The following GKAP1 variants were observed in gnomAD, a reference collection of about 807,000 sequenced individuals.
GKAP1 encodes G kinase-anchoring protein 1.
GKAP1 carries 31 observed loss-of-function variants against 56.7 expected under a neutral mutation model. The observed-to-expected ratio is 0.55, with a 90% CI of 0.41 to 0.74. The LOEUF is 0.74. Ranked by LOEUF, GKAP1 falls within the 30% of genes least tolerant of loss-of-function variation. The pLI is 0.00. For synonymous variants in GKAP1, 151 were observed against 138.6 expected (o/e 1.09, Z -0.63); for missense variants, 364 against 402.3 (o/e 0.90, Z 0.82).
chr9:83,747,698 G>A (rs772048584), intron 10 of GKAP1, among the ~76,000 whole-genome samples: 2 of 150,930 alleles, frequency 1.3e-5, no homozygotes, highest in African/African-American at 2.4e-5. Flanking sequence ...GTACAGTGGT[G>A]CAATCTCGGC....
At chr9:83,756,922 A>G (rs1222325719) in intron 8 of GKAP1, among the ~76,000 whole-genome samples, 4 of 152,228 alleles carry the variant, frequency 2.6e-5, no homozygotes, top group African/African-American at 9.6e-5. Flanking sequence ...CTCATTTTCA[A>G]TGAAGTCCTA....
At position 83,799,397 on chromosome 9, in the gene GKAP1, T is replaced by TA. The variant is rs567704992; in HGVS notation, c.217-70dup. 3,134 of 1,134,770 alleles carry TA rather than the reference T, an allele frequency of 2.8e-3. 27 individuals are homozygous for TA. The African/African-American group carries it at 0.029, about 10-fold the overall frequency. The allele number at this position is 1,134,770 out of a possible 1,614,324, so 70.3% of individuals were successfully genotyped here. A position where few individuals can be genotyped will look rare whatever the true frequency, so the allele number is the denominator to read the frequency against. ...CTGGGATACTAATGATTTTTTTAAT[T>TA]AAAAAAAAACCAATGATATTTTTAT... On this transcript the variant is annotated intron_variant, in intron 3 of 12. Transcript: ENST00000376371.
intron 2 of GKAP1, among the ~76,000 whole-genome samples, chr9:83,809,653 C>T (rs532313923): frequency 6.6e-6 from 1 of 152,324 alleles, no homozygotes; most frequent in South Asian, 2.1e-4. Flanking sequence ...TATTTTTACC[C>T]ATTTGCCAGT....
At chr9:83,766,358 C>T (rs534010625) in intron 8 of GKAP1, among the ~76,000 whole-genome samples, 369 of 151,736 alleles carry the variant, frequency 2.4e-3, no homozygotes, top group Non-Finnish European at 4.4e-3. Flanking sequence ...GACTAATACG[C>T]TTGGATTGTA....
chr9:83,753,208 G>T, intron 9 of GKAP1, 50 bp downstream of exon 9: 2 of 1,093,476 alleles, frequency 1.8e-6, no homozygotes, highest in Non-Finnish European at 2.7e-6. Context: ...AACAGAAAAC[G>T]TGAAAATTTA....
chr9:83,804,395 T>TG (rs1247004275), intron 3 of GKAP1, among the ~76,000 whole-genome samples: 15 of 46,966 alleles, frequency 3.2e-4, no homozygotes, highest in East Asian at 7.2e-4. Context: ...GGGAGGGAGG[T>TG]GGGGGGGGTC....
At chr9:83,790,140 A>AG (rs1478358490) in intron 4 of GKAP1, among the ~76,000 whole-genome samples, 1 of 152,190 alleles carries the variant, frequency 6.6e-6, no homozygotes, top group African/African-American at 2.4e-5. Flanking sequence ...ATAAAAAGAG[A>AG]GGAAAAAAAG....
intron 3 of GKAP1, among the ~76,000 whole-genome samples, chr9:83,800,304 A>T (rs1192516045): frequency 6.6e-6 from 1 of 151,630 alleles, no homozygotes; most frequent in Non-Finnish European, 1.5e-5. Flanking sequence ...AAAAAAAAAA[A>T]AGTTTAGCCT....
At chr9:83,743,774 G>C (rs1279714801) in intron 10 of GKAP1, among the ~76,000 whole-genome samples, 1 of 152,042 alleles carries the variant, frequency 6.6e-6, no homozygotes, top group African/African-American at 2.4e-5. Flanking sequence ...TGGTCTCTTA[G>C]AACTATTCAT....
intron 8 of GKAP1, among the ~76,000 whole-genome samples, chr9:83,759,527 G>C (rs1272707152): frequency 6.6e-6 from 1 of 152,022 alleles, no homozygotes; most frequent in Non-Finnish European, 1.5e-5. Flanking sequence ...CTATGCTCTT[G>C]ATATGCATCC....
chr9:83,776,637 A>C (rs1277332227), intron 7 of GKAP1, among the ~76,000 whole-genome samples: 2 of 152,128 alleles, frequency 1.3e-5, no homozygotes, highest in East Asian at 3.9e-4. Flanking sequence ...TGGAGGTTGC[A>C]CCACTGCATT....
rs185158759 is a variant in GKAP1, at chr9:83,741,834, C to T, written c.1053+118G>A. The T allele has an allele frequency of 6.8e-4, 426 of 623,392 alleles. 1 individual carries two copies. The African/African-American group carries it at 7.1e-3, about 10-fold the overall frequency. 38.6% of individuals were successfully genotyped at this position (623,392 alleles called of 1,614,324 possible). ...ATTATATGACCGATAATAAAATTATCAATATATTTAGTGAATAAATTTTGG... is the reference window on the plus strand; with the variant it reads ...ATTATATGACCGATAATAAAATTATTAATATATTTAGTGAATAAATTTTGG... On this transcript the variant is annotated intron_variant, in intron 12 of 12. Transcript: ENST00000376371.
chr9:83,765,785 C>T (rs1373142041), intron 8 of GKAP1, among the ~76,000 whole-genome samples: 2 of 152,172 alleles, frequency 1.3e-5, no homozygotes. Flanking sequence ...GCGTATTTAC[C>T]CAATGCCTGT....
chr9:83,753,673 A>G (rs1050972578), intron 8 of GKAP1, among the ~76,000 whole-genome samples: 10 of 152,202 alleles, frequency 6.6e-5, no homozygotes, highest in Non-Finnish European at 1.3e-4. Context: ...TTAAAAATTC[A>G]AAAATTCAAA....
At chr9:83,810,082 G>C (rs1944487291) in intron 2 of GKAP1, among the ~76,000 whole-genome samples, 1 of 152,244 alleles carries the variant, frequency 6.6e-6, no homozygotes, top group Non-Finnish European at 1.5e-5. Flanking sequence ...AAAGTGCTGG[G>C]ATTACAGGCA....
intron 10 of GKAP1, among the ~76,000 whole-genome samples, chr9:83,744,296 A>G (rs141289743): frequency 2.6e-5 from 4 of 152,238 alleles, no homozygotes; most frequent in African/African-American, 9.6e-5. Context: ...CAACTTGAAC[A>G]TAACACAAAT....
chr9:83,770,548 A>G (rs920671452), intron 7 of GKAP1, among the ~76,000 whole-genome samples: 4 of 151,166 alleles, frequency 2.6e-5, no homozygotes, highest in African/African-American at 9.7e-5. Flanking sequence ...TATGTTGCTC[A>G]ATCGTTTACA....
chr9:83,770,061 T>C (rs1225738710), intron 7 of GKAP1, among the ~76,000 whole-genome samples: 4 of 152,214 alleles, frequency 2.6e-5, no homozygotes, highest in Non-Finnish European at 5.9e-5. Context: ...GTTACTTGTT[T>C]TTTTGAGTTG....
intron 6 of GKAP1, among the ~76,000 whole-genome samples, chr9:83,782,794 G>A (rs1361290946): frequency 6.6e-6 from 1 of 150,480 alleles, no homozygotes; most frequent in Non-Finnish European, 1.5e-5. Flanking sequence ...AGCCTCTGGA[G>A]TAGCTGGGAT....
Sources: allele counts gnomAD v4.1 joint callset (sites outside exome capture counted in the v4.1 genomes callset), GRCh38; gene constraint gnomAD v4.1.1; transcripts MANE v1.5; gene names NCBI Gene and HGNC (gene_info 2026-07-23, HGNC 2026-07-21).